The following OTULINL variants were observed in gnomAD, a reference collection of about 807,000 sequenced individuals.
OTULINL encodes the protein inactive ubiquitin thioesterase OTULINL.
A neutral mutation model predicts 43.9 loss-of-function variants in OTULINL; 42 were observed. That is an observed-to-expected ratio of 0.96 (90% CI 0.75 to 1.24). OTULINL has a LOEUF of 1.24. OTULINL is among the 50% of genes most tolerant of loss of function. The pLI, the probability that OTULINL is intolerant of heterozygous loss-of-function variation, is 0.00. For missense variants in OTULINL, 411 were observed against 426.4 expected (o/e 0.96, Z 0.32); for synonymous variants, 172 against 153.6 (o/e 1.12, Z -0.88).
chr5:14,608,703 C>A, intron 6 of OTULINL, 45 bp from the exon 7 acceptor site: 1 of 1,483,498 alleles, frequency 6.7e-7, no homozygotes, highest in Non-Finnish European at 9.2e-7. Context: ...TGGTATATGT[C>A]TTCACCTTTA....
chr5:14,601,778 AAAT>A (rs1395403966), intron 4 of OTULINL, among the ~76,000 whole-genome samples: 1 of 152,240 alleles, frequency 6.6e-6, no homozygotes, highest in African/African-American at 2.4e-5. Flanking sequence ...CCCTGATGTA[AAAT>A]ATTTTGAGGA....
rs1211400667 is a variant in OTULINL at position 14,611,436 on chromosome 5, A to C, written c.*1122A>C. The C allele has an allele frequency of 6.6e-6, 1 of 152,246 alleles. No individual in the cohort carries two copies. The highest frequency in any genetic ancestry group is 6.5e-5 in the Admixed American group (1 of 15,282). 9.4% of individuals were successfully genotyped at this position (152,246 alleles called of 1,614,324 possible). On this transcript the variant is annotated 3_prime_UTR_variant, in exon 8 of 8. Coordinates refer to ENST00000274217, the MANE Select transcript of OTULINL (RefSeq NM_019018.3). ...AAGATGGAGGAAGGGGCCATAAGCC[A>C]GGGAGTTGCAGGCAGCCTGTAGAAT...
chr5:14,581,932 G>C lies in OTULINL; in HGVS notation c.38G>C (p.Arg13Pro). 1 of 1,399,616 alleles carries C rather than the reference G, an allele frequency of 7.1e-7. No homozygotes were observed. Among genetic ancestry groups the C allele is most frequent in the Middle Eastern group, 2.6e-4 (1 of 3,824 alleles). 86.7% of individuals were successfully genotyped at this position (1,399,616 alleles called of 1,614,324 possible). Residue 13 changes from arginine (R) to proline (P), a missense_variant, in exon 1 of 8, where the codon CGG becomes CCG. Arg to Pro is a moderately radical substitution (Grantham distance 103). Coordinates refer to ENST00000274217, the MANE Select transcript of OTULINL (RefSeq NM_019018.3). The stretch of plus-strand genomic sequence containing the variant: ...AGGAGCCCCACGCGGGCAAGGGAGC[G>C]GGAGCGGTCTGGCGCTCCCGCCGCA... ...ATRSPTRARE[R>P]ERSGAPAAGS...
chr5:14,588,425 A>G (rs1451821950), intron 1 of OTULINL, among the ~76,000 whole-genome samples: 2 of 152,012 alleles, frequency 1.3e-5, no homozygotes, highest in Admixed American at 1.3e-4. Context: ...ATCCTACTAG[A>G]TGACCACTTC....
chr5:14,598,767 C>A (rs1051807451), intron 1 of OTULINL, among the ~76,000 whole-genome samples: 12 of 152,124 alleles, frequency 7.9e-5, no homozygotes, highest in South Asian at 2.1e-4. Flanking sequence ...AAATATTATG[C>A]ATCATTAAAA....
In OTULINL at chr5:14,600,929, G is replaced by A. The variant is rs769654121; in HGVS notation, c.65-36G>A. The A allele has an allele frequency of 8.1e-6, 10 of 1,235,598 alleles. No homozygotes were observed. In the African/African-American group the frequency reaches 1.4e-4, roughly 17 times the overall value. 76.5% of individuals were successfully genotyped at this position (1,235,598 alleles called of 1,614,324 possible). A position where few individuals can be genotyped will look rare whatever the true frequency, so the allele number is the denominator to read the frequency against. On this transcript the variant is annotated intron_variant, in intron 1 of 7. Transcript: ENST00000274217. ...TAAAGCAAACTTGTGTAATTGTGAT[G>A]TGCTTTTTTTTTTTTTTTTTTTGTA...
intron 5 of OTULINL, among the ~76,000 whole-genome samples, chr5:14,605,790 G>T (rs188880649): frequency 1.3e-5 from 2 of 152,318 alleles, no homozygotes; most frequent in African/African-American, 4.8e-5. Context: ...CTTTGCTCCA[G>T]TTTCCAAGTT....
chr5:14,597,810 T>C (rs13359407), intron 1 of OTULINL, among the ~76,000 whole-genome samples: 2,965 of 152,256 alleles, frequency 0.019, 99 homozygotes, highest in African/African-American at 0.067. Flanking sequence ...TCCCTGGCCC[T>C]TCTTGGCTGC....
rs745313527 is a variant in OTULINL at position 14,608,745 on chromosome 5, T to C, written c.628-3T>C. On this transcript the variant is annotated splice_polypyrimidine_tract_variant and splice_region_variant and intron_variant, in intron 6 of 7. Transcript: ENST00000274217. ...TGAATTTCACTTTTACATCTGTTTT[T>C]AGTGGACTGAATTTAATGGCATTAG... The C allele has an allele frequency of 1.1e-5, 18 of 1,595,420 alleles. No homozygotes were observed. Among genetic ancestry groups the C allele is most frequent in the Admixed American group, 5.1e-5 (3 of 58,932 alleles).
Position 14,601,096 on chromosome 5 carries a change from C to A in OTULINL, c.196C>A (p.His66Asn). 1 of 1,612,494 alleles carries A rather than the reference C, an allele frequency of 6.2e-7. No homozygotes were observed. The highest frequency in any genetic ancestry group is 8.5e-7 in the Non-Finnish European group (1 of 1,179,476). ...TGCCATCTGCTACTTCCGGAGGCTA[C>A]ATTTATATTCAGGGCACAAGCTGAA... ...VAAICYFRRL[H>N]LYSGHKLKWW... The change falls in exon 2 of 8, where the codon CAT becomes AAT. Residue 66 changes from histidine to asparagine, a missense_variant. His to Asn is a moderately conservative substitution (Grantham distance 68). Coordinates refer to ENST00000274217, the MANE Select transcript of OTULINL (RefSeq NM_019018.3).
chr5:14,589,764 A>G (rs2126771620), intron 1 of OTULINL, among the ~76,000 whole-genome samples: 1 of 152,278 alleles, frequency 6.6e-6, no homozygotes, highest in African/African-American at 2.4e-5. Context: ...CAGCCTGGCC[A>G]ACATGGTAAA....
In OTULINL at chr5:14,585,720, A is replaced by C. The variant is rs1472256875; in HGVS notation, c.64+3762A>C. Among the ~76,000 whole-genome samples the C allele has an allele frequency of 5.9e-5, 9 of 152,232 alleles. No homozygotes were observed. The East Asian group carries it at 1.2e-3, about 20-fold the overall frequency. On this transcript the variant is annotated intron_variant, in intron 1 of 7. Coordinates refer to ENST00000274217, the MANE Select transcript of OTULINL (RefSeq NM_019018.3). The stretch of plus-strand genomic sequence containing the variant: ...TAATCTTTACAATCACCACTCTGTG[A>C]CGCTCACAACGGCTGCAGAATTTGC...
At chr5:14,599,355 G>A (rs1759344748) in intron 1 of OTULINL, among the ~76,000 whole-genome samples, 1 of 152,102 alleles carries the variant, frequency 6.6e-6, no homozygotes, top group South Asian at 2.1e-4. Flanking sequence ...GGGCATGGTG[G>A]TGCATGCCTG....
At chr5:14,609,565 A>G (rs1759540522) in intron 7 of OTULINL, among the ~76,000 whole-genome samples, 1 of 151,904 alleles carries the variant, frequency 6.6e-6, no homozygotes, top group Non-Finnish European at 1.5e-5. Context: ...TGTAGTTTTT[A>G]TCATGAGTGT....
chr5:14,608,938 C>G lies in OTULINL; in HGVS notation c.818C>G (p.Ser273Cys), dbSNP rs1759526724. ...CCCAGTCTTTTTAGACTCCTGTTTT[C>G]CAGGGAGACATCCTCTGATCCTTTG... is the stretch of plus-strand genomic sequence containing the variant. The part of the protein sequence containing the change: ...VIPSLFRLLF[S>C]RETSSDPLSF... The change falls in exon 7 of 8, where the codon TCC becomes TGC. Residue 273 changes from serine to cysteine, a missense_variant. Coordinates refer to ENST00000274217, the MANE Select transcript of OTULINL (RefSeq NM_019018.3). 1.2e-6 allele frequency: 2 copies of G among 1,613,992 alleles called. No individual in the cohort carries two copies. The highest frequency in any genetic ancestry group is 1.7e-6 in the Non-Finnish European group (2 of 1,180,008).
Position 14,614,797 on chromosome 5 carries a change from T to C in OTULINL, c.*4483T>C. On this transcript the variant is annotated 3_prime_UTR_variant, in exon 8 of 8. Transcript: ENST00000274217. ...AGACTGCTATAGAATGCTAAAGTTA[T>C]AATCCTAGCTGGTGTCTCGTTCTGT... 1 of 398,610 alleles carries C rather than the reference T, an allele frequency of 2.5e-6. No homozygotes were observed. Among genetic ancestry groups the C allele is most frequent in the Non-Finnish European group, 4.4e-6 (1 of 226,066 alleles). The allele number at this position is 398,610 out of a possible 1,614,324, so 24.7% of individuals were successfully genotyped here.
chr5:14,596,260 G>A (rs2126776498), intron 1 of OTULINL, among the ~76,000 whole-genome samples: 1 of 152,184 alleles, frequency 6.6e-6, no homozygotes, highest in African/African-American at 2.4e-5. Context: ...GTTTCTCTGA[G>A]TCCCAATCAC....
chr5:14,599,258 G>A (rs1039120279), intron 1 of OTULINL, among the ~76,000 whole-genome samples: 1 of 152,154 alleles, frequency 6.6e-6, no homozygotes, highest in African/African-American at 2.4e-5. Flanking sequence ...GGAGGCTGAG[G>A]TGGGCGGGTT....
At chr5:14,607,528 C>G in intron 6 of OTULINL, 70 bp downstream of exon 6, 1 of 1,581,524 alleles carries the variant, frequency 6.3e-7, no homozygotes, top group East Asian at 2.3e-5. Flanking sequence ...CCAGTTTTCT[C>G]TGATGTCAGG....
Sources: gnomAD v4.1 joint callset for allele counts (sites outside exome capture counted in the v4.1 genomes callset) on GRCh38, gnomAD v4.1.1 for gene constraint, MANE v1.5 for transcripts, NCBI Gene and HGNC (gene_info 2026-07-23, HGNC 2026-07-21) for gene names.